MAP7: variants seen among roughly 807,000 people sequenced by gnomAD.
MAP7 encodes microtubule associated protein 7.
Under a neutral mutation model 94.8 loss-of-function variants are expected in MAP7, and 52 were observed. The ratio of observed to expected loss-of-function variants is 0.55; its 90% CI spans 0.44 to 0.69. The LOEUF (loss-of-function observed/expected upper bound fraction) is 0.69. MAP7 is among the 30% of genes least tolerant of loss of function. MAP7 has a pLI of 0.00. For missense variants in MAP7, 940 were observed against 964.6 expected (o/e 0.97, Z 0.34); for synonymous variants, 350 against 357.0 (o/e 0.98, Z 0.22).
At chr6:136,417,807 C>G (rs906334313) in intron 2 of MAP7, among the ~76,000 whole-genome samples, 23 of 152,120 alleles carry the variant, frequency 1.5e-4, no homozygotes, top group African/African-American at 5.5e-4. Flanking sequence ...CTGGAAGCTC[C>G]TAAGTCACAC....
intron 7 of MAP7, among the ~76,000 whole-genome samples, chr6:136,376,390 C>T (rs112235335): frequency 0.02 from 3,053 of 152,284 alleles, 102 homozygotes; most frequent in African/African-American, 0.068. Flanking sequence ...TGAGCCACCA[C>T]GCCCGGCCTG....
chr6:136,387,833 T>C lies in MAP7; in HGVS notation c.526+560A>G, dbSNP rs184794116. 2.5e-4 allele frequency among the ~76,000 whole-genome samples: 38 copies of C among 152,298 alleles called. No homozygotes were observed. The East Asian group carries it at 6.5e-3, about 26-fold the overall frequency. Reference sequence around the variant, plus strand: ...AATTCCAGGGGTATTGAATTTACAGTACAAAAATAAAGCCTTTCAGTAAAT... The same window carrying C: ...AATTCCAGGGGTATTGAATTTACAGCACAAAAATAAAGCCTTTCAGTAAAT... On this transcript the variant is annotated intron_variant, in intron 5 of 17. Transcript: ENST00000354570.
intron 1 of MAP7, chr6:136,526,721 G>T: frequency 1.0e-6 from 1 of 974,184 alleles, no homozygotes; most frequent in Non-Finnish European, 1.2e-6. Context: ...GGAGACAGAA[G>T]CCTGAGGAAG....
intron 3 of MAP7, among the ~76,000 whole-genome samples, chr6:136,394,968 A>ATATATATATATATATATATC (rs1477760854): frequency 2.3e-5 from 3 of 130,592 alleles, no homozygotes; most frequent in Admixed American, 1.6e-4. Context: ...ATATATATAT[A>ATATATATATATATATATATC]TATCACATTT....
intron 7 of MAP7, among the ~76,000 whole-genome samples, chr6:136,372,977 T>C (rs1192489072): frequency 1.3e-5 from 2 of 152,050 alleles, no homozygotes; most frequent in Non-Finnish European, 2.9e-5. Context: ...CTGATGGTTC[T>C]GGAAAAAAAA....
chr6:136,482,613 A>C (rs1192973030), intron 1 of MAP7, among the ~76,000 whole-genome samples: 1 of 151,842 alleles, frequency 6.6e-6, no homozygotes, highest in South Asian at 2.1e-4. Flanking sequence ...AAAAAAAAAA[A>C]ACAGACGCAT....
intron 1 of MAP7, among the ~76,000 whole-genome samples, chr6:136,460,955 T>C (rs1804998000): frequency 6.6e-6 from 1 of 152,182 alleles, no homozygotes; most frequent in South Asian, 2.1e-4. Context: ...TAACAGGACT[T>C]CAATCAACTC....
At chr6:136,488,001 G>T (rs184490810) in intron 1 of MAP7, among the ~76,000 whole-genome samples, 3 of 152,118 alleles carry the variant, frequency 2.0e-5, no homozygotes, top group Admixed American at 6.5e-5. Context: ...GCGAAAGGGC[G>T]GCTTATGCTT....
intron 1 of MAP7, among the ~76,000 whole-genome samples, chr6:136,440,363 C>T (rs537843549): frequency 4.6e-5 from 7 of 152,082 alleles, no homozygotes; most frequent in African/African-American, 1.2e-4. Flanking sequence ...AGGGAGGCTT[C>T]CTGGAATAGG....
At chr6:136,397,597 G>GCC (rs1782873769) in intron 3 of MAP7, among the ~76,000 whole-genome samples, 2 of 138,124 alleles carry the variant, frequency 1.4e-5, no homozygotes, top group African/African-American at 2.7e-5. Context: ...AAGACTAAAT[G>GCC]AGGTCATAAA....
chr6:136,441,948 G>T (rs1162347208), intron 1 of MAP7, among the ~76,000 whole-genome samples: 1 of 152,046 alleles, frequency 6.6e-6, no homozygotes, highest in African/African-American at 2.4e-5. Flanking sequence ...GGAGGTAGAG[G>T]CTGCAAGTGA....
intron 10 of MAP7, chr6:136,364,180 T>G: frequency 2.0e-6 from 1 of 506,402 alleles, no homozygotes. Flanking sequence ...TCGGCCCTCA[T>G]TCTGCATGAG....
intron 1 of MAP7, among the ~76,000 whole-genome samples, chr6:136,450,574 C>T (rs911850445): frequency 6.6e-6 from 1 of 151,948 alleles, no homozygotes; most frequent in Admixed American, 6.6e-5. Flanking sequence ...CACCTGAGGT[C>T]GGGAGTTCGA....
intron 1 of MAP7, among the ~76,000 whole-genome samples, chr6:136,518,424 T>C (rs188079508): frequency 1.1e-4 from 17 of 152,330 alleles, no homozygotes; most frequent in Admixed American, 5.2e-4. Context: ...AAATGTCAAA[T>C]AATGCTCTGG....
intron 5 of MAP7, among the ~76,000 whole-genome samples, chr6:136,384,647 C>A (rs986528202): frequency 6.6e-6 from 1 of 152,020 alleles, no homozygotes; most frequent in Non-Finnish European, 1.5e-5. Context: ...CTACGCCCAG[C>A]TAATATTTTA....
At chr6:136,448,446 C>G (rs1465699449) in intron 1 of MAP7, among the ~76,000 whole-genome samples, 1 of 148,944 alleles carries the variant, frequency 6.7e-6, no homozygotes, top group South Asian at 2.1e-4. Context: ...GGAGTTTTTG[C>G]TCTTATCGTC....
chr6:136,500,023 T>G (rs1051212537), intron 1 of MAP7, among the ~76,000 whole-genome samples: 1 of 151,198 alleles, frequency 6.6e-6, no homozygotes, highest in Non-Finnish European at 1.5e-5. Context: ...CAAAAACAGT[T>G]GAGTGGACTT....
chr6:136,466,811 G>A, intron 1 of MAP7: 4 of 1,534,432 alleles, frequency 2.6e-6, no homozygotes, highest in Non-Finnish European at 3.5e-6. Flanking sequence ...TGAATATCCT[G>A]CAACATATCT....
rs746470141 is a variant in MAP7 at position 136,362,504 on chromosome 6, C to T, written c.1472G>A (p.Arg491Gln). 16 of 1,614,182 alleles carry T rather than the reference C, an allele frequency of 9.9e-6. 1 individual carries two copies. The highest frequency in any genetic ancestry group is 1.7e-4 in the Middle Eastern group (1 of 6,056). The change falls in exon 11 of 18, where the codon CGA becomes CAA. Residue 491 changes from arginine (R) to glutamine (Q), a missense_variant. Transcript: ENST00000354570. ...RLLAEKRRLA[R>Q]EQREKEERER... is the part of the protein sequence containing the mutation. ...CCTTTCTTCCTTTTCTCTCTGCTCTCGGGCCAGCCGCCTCTTCTCAGCTAG... is the reference window on the plus strand; with the variant it reads ...CCTTTCTTCCTTTTCTCTCTGCTCTTGGGCCAGCCGCCTCTTCTCAGCTAG...
Sources: gnomAD v4.1 joint callset for allele counts (sites outside exome capture counted in the v4.1 genomes callset) on GRCh38, gnomAD v4.1.1 for gene constraint, MANE v1.5 for transcripts, NCBI Gene and HGNC (gene_info 2026-07-23, HGNC 2026-07-21) for gene names.